Variants in TNRC6B observed in about 807,000 individuals in gnomAD.
TNRC6B encodes trinucleotide repeat-containing gene 6B protein.
In TNRC6B, 52 loss-of-function variants were observed where a neutral mutation model predicts 203.6. The ratio of observed to expected loss-of-function variants is 0.26; its 90% CI spans 0.20 to 0.32. The LOEUF (loss-of-function observed/expected upper bound fraction) is 0.32. Among genes scored for constraint, TNRC6B ranks in the 10% least tolerant of loss-of-function variants. TNRC6B has a pLI of 1.00. For synonymous variants in TNRC6B, 838 were observed against 845.7 expected (o/e 0.99, Z 0.16); for missense variants, 1,923 against 2,286.2 (o/e 0.84, Z 3.24).
chr22:40,130,944 C>T (rs897325765), intron 3 of TNRC6B, among the ~76,000 whole-genome samples: 1 of 150,862 alleles, frequency 6.6e-6, no homozygotes, highest in East Asian at 2.0e-4. Context: ...CTCTGTTGCC[C>T]AGGCTGGAGT....
chr22:40,165,161 G>C (rs2068908070), intron 4 of TNRC6B, among the ~76,000 whole-genome samples: 1 of 149,996 alleles, frequency 6.7e-6, no homozygotes, highest in African/African-American at 2.5e-5. Context: ...TGCAATTTGG[G>C]CTCACTCAAG....
At chr22:40,206,769 G>A (rs2069484191) in intron 1 of TNRC6B, among the ~76,000 whole-genome samples, 1 of 152,156 alleles carries the variant, frequency 6.6e-6, no homozygotes, top group African/African-American at 2.4e-5. Flanking sequence ...ATGGAATCTT[G>A]CTCTGTGGCG....
chr22:40,088,306 T>G (rs923119966), intron 1 of TNRC6B, among the ~76,000 whole-genome samples: 1 of 152,242 alleles, frequency 6.6e-6, no homozygotes, highest in African/African-American at 2.4e-5. Context: ...GCCTTCTGAC[T>G]ACAGACCCAG....
intron 1 of TNRC6B, among the ~76,000 whole-genome samples, chr22:40,073,176 A>G (rs933977355): frequency 2.6e-4 from 31 of 118,414 alleles, no homozygotes; most frequent in African/African-American, 9.8e-4. Context: ...CAATCCTTAT[A>G]TTTAGAGCCA....
intron 2 of TNRC6B, among the ~76,000 whole-genome samples, chr22:40,118,942 T>C (rs951286915): frequency 6.6e-6 from 1 of 151,450 alleles, no homozygotes; most frequent in Non-Finnish European, 1.5e-5. Flanking sequence ...GCAGAGGGAG[T>C]GATAGCAACA....
intron 4 of TNRC6B, among the ~76,000 whole-genome samples, chr22:40,264,470 AGCT>A (rs1407764398): frequency 6.6e-6 from 1 of 152,202 alleles, no homozygotes; most frequent in South Asian, 2.1e-4. Context: ...CAAAGGACGT[AGCT>A]TTGAGAGAGA....
intron 1 of TNRC6B, among the ~76,000 whole-genome samples, chr22:40,058,531 C>T (rs867623744): frequency 3.9e-5 from 6 of 152,238 alleles, no homozygotes; most frequent in African/African-American, 1.4e-4. Flanking sequence ...TGGAAGCAGA[C>T]AGTCTCTAGA....
chr22:40,321,626 AAC>A, intron 22 of TNRC6B: 1 of 173,208 alleles, frequency 5.8e-6, no homozygotes, highest in Non-Finnish European at 1.3e-5. Context: ...TCTCTACTAA[AAC>A]ACAAAAAATC....
intron 1 of TNRC6B, among the ~76,000 whole-genome samples, chr22:40,204,918 G>A (rs1218549753): frequency 1.3e-5 from 2 of 152,194 alleles, no homozygotes; most frequent in Non-Finnish European, 2.9e-5. Context: ...TGAAATTAAT[G>A]ACATTAAACA....
chr22:40,064,613 CT>C (rs888329204), intron 1 of TNRC6B, among the ~76,000 whole-genome samples: 418 of 137,848 alleles, frequency 3.0e-3, no homozygotes, highest in African/African-American at 6.0e-3. Flanking sequence ...GTGTATAATC[CT>C]TTTTTTTTTT....
intron 4 of TNRC6B, among the ~76,000 whole-genome samples, chr22:40,168,078 T>C (rs1959146245): frequency 6.6e-6 from 1 of 152,218 alleles, no homozygotes; most frequent in Non-Finnish European, 1.5e-5. Flanking sequence ...ATTTTCAAAC[T>C]GGTCTCTCTT....
chr22:40,164,898 C>G (rs2068905461), intron 4 of TNRC6B, among the ~76,000 whole-genome samples: 1 of 150,888 alleles, frequency 6.6e-6, no homozygotes, highest in African/African-American at 2.4e-5. Context: ...TCTCCTGCCT[C>G]AGCTTCCCAA....
rs895236145 is a variant in TNRC6B at position 40,266,717 on chromosome 22, G to A, written c.2487G>A (p.Pro829=). ...QHQQQQPPQQ[P]PPPQPEASGS... is the part of the protein sequence containing the mutation. ...AACAGCAGCAGCCCCCACAGCAGCC[G>A]CCGCCACCACAACCAGAGGCTTCTG... The change falls in exon 5 of 23, where the codon CCG becomes CCA. Residue 829 remains proline, a synonymous_variant. Transcript: ENST00000454349. 1.9e-5 allele frequency: 31 copies of A among 1,613,760 alleles called. No homozygotes were observed. The highest frequency in any genetic ancestry group is 1.8e-4 in the East Asian group (8 of 44,898).
chr22:40,301,111 G>T, intron 14 of TNRC6B, 39 bp from the exon 15 acceptor site: 1 of 1,553,722 alleles, frequency 6.4e-7, no homozygotes, highest in Non-Finnish European at 8.7e-7. Flanking sequence ...GGAAGTTCGG[G>T]GCCGTGCTTA....
intron 1 of TNRC6B, among the ~76,000 whole-genome samples, chr22:40,180,001 GT>G (rs1430983486): frequency 1.1e-4 from 16 of 152,172 alleles, no homozygotes; most frequent in Admixed American, 4.6e-4. Flanking sequence ...TAGATTCACT[GT>G]AAATTTTTTG....
At chr22:40,263,039 T>TAA (rs34886394) in intron 4 of TNRC6B, among the ~76,000 whole-genome samples, 34 of 134,738 alleles carry the variant, frequency 2.5e-4, no homozygotes, top group African/African-American at 8.6e-4. Context: ...GACTCCGTCT[T>TAA]AAAAAAAAAA....
At position 40,264,985 on chromosome 22, in the gene TNRC6B, A is replaced by T; in HGVS notation, c.755A>T (p.Asn252Ile). The T allele has an allele frequency of 6.2e-7, 1 of 1,613,972 alleles. No individual in the cohort carries two copies. The highest frequency in any genetic ancestry group is 8.5e-7 in the Non-Finnish European group (1 of 1,179,884). The change falls in exon 5 of 23, where the codon AAC becomes ATC. Residue 252 changes from asparagine to isoleucine, a missense_variant. Physicochemically the swap from Asn to Ile is moderately radical, Grantham distance 149 (BLOSUM62 -3). This residue lies in a region of TNRC6B where 614 missense variants were observed against 587.7 expected (regional missense o/e 1.04). Coordinates refer to ENST00000454349, the MANE Select transcript of TNRC6B (RefSeq NM_001162501.2). Reference sequence around the variant, plus strand: ...CAGTGCCAGTCTGCAAGTTCTGGGAACGAATGTAATCTTGGGGTCTGGAAA... The same window carrying T: ...CAGTGCCAGTCTGCAAGTTCTGGGATCGAATGTAATCTTGGGGTCTGGAAA... ...GSQCQSASSG[N>I]ECNLGVWKSD... is the part of the protein sequence containing the mutation.
At chr22:40,069,165 A>G (rs2067924297) in intron 1 of TNRC6B, among the ~76,000 whole-genome samples, 1 of 152,054 alleles carries the variant, frequency 6.6e-6, no homozygotes, top group African/African-American at 2.4e-5. Context: ...AGGTACAATC[A>G]TGCCCCACTG....
chr22:40,086,595 A>G (rs2068101314), intron 1 of TNRC6B, among the ~76,000 whole-genome samples: 1 of 152,210 alleles, frequency 6.6e-6, no homozygotes, highest in Non-Finnish European at 1.5e-5. Context: ...ATATGGAGGC[A>G]CATTTGGATG....
Sources: allele counts gnomAD v4.1 joint callset (sites outside exome capture counted in the v4.1 genomes callset), GRCh38; gene constraint gnomAD v4.1.1; regional missense constraint gnomAD v4.1.1; transcripts MANE v1.5; gene names NCBI Gene and HGNC (gene_info 2026-07-23, HGNC 2026-07-21).